The following AFM variants were observed in gnomAD, a reference collection of about 807,000 sequenced individuals.
AFM encodes alpha-Alb.
Under a neutral mutation model 68.7 loss-of-function variants are expected in AFM, and 82 were observed. That is an observed-to-expected ratio of 1.19 (90% CI 1.00 to 1.43). AFM has a LOEUF of 1.43. AFM is among the 40% of genes most tolerant of loss of function. AFM has a pLI of 0.00. For missense variants in AFM, 772 were observed against 701.8 expected (o/e 1.10, Z -1.13); for synonymous variants, 250 against 234.2 (o/e 1.07, Z -0.61).
At chr4:73,486,877 CT>C in intron 4 of AFM, 89 bp from the exon 5 acceptor site, 1 of 1,135,168 alleles carries the variant, frequency 8.8e-7, no homozygotes, top group African/African-American at 1.9e-5. Context: ...CTTACCCTCC[CT>C]TCCCTTCCCT....
Position 73,481,760 on chromosome 4 carries a change from T to C in AFM, c.-16T>C, listed in dbSNP as rs187320979. On this transcript the variant is annotated 5_prime_UTR_variant, in exon 1 of 15. An upstream start codon of the reference 5' UTR is lost. Transcript: ENST00000226355. ...CAACAACATTACTTTCTTTTGTAAATGTGGTTTCTACAAAGATGAAACTAC... is the reference window on the plus strand; with the variant it reads ...CAACAACATTACTTTCTTTTGTAAACGTGGTTTCTACAAAGATGAAACTAC... 3.6e-4 allele frequency: 527 copies of C among 1,447,630 alleles called. No individual in the cohort carries two copies. The African/African-American group carries it at 6.6e-3, about 18-fold the overall frequency. The allele number at this position is 1,447,630 out of a possible 1,614,324, so 89.7% of individuals were successfully genotyped here.
intron 9 of AFM, among the ~76,000 whole-genome samples, chr4:73,496,189 T>C (rs1249788200): frequency 6.6e-6 from 1 of 152,196 alleles, no homozygotes; most frequent in African/African-American, 2.4e-5. Context: ...CTGTGTTCCC[T>C]CTAGGGAAGC....
intron 9 of AFM, 66 bp from the exon 10 acceptor site, chr4:73,497,586 T>C: frequency 9.8e-7 from 1 of 1,015,512 alleles, no homozygotes; most frequent in South Asian, 1.6e-5. Context: ...ATTCTACACA[T>C]TGATGTAAAG....
intron 1 of AFM, 116 bp from the exon 2 acceptor site, chr4:73,483,825 C>G: frequency 1.3e-6 from 1 of 790,134 alleles, no homozygotes; most frequent in Non-Finnish European, 1.9e-6. Flanking sequence ...AAAATTATCT[C>G]CTGTCATCAG....
chr4:73,490,372 G>A (rs1215024789), intron 7 of AFM, among the ~76,000 whole-genome samples: 2 of 151,912 alleles, frequency 1.3e-5, no homozygotes, highest in Non-Finnish European at 2.9e-5. Context: ...TCTCCTTTGC[G>A]ATTTATTTTT....
Position 73,484,268 on chromosome 4 carries a change from G to A in AFM, c.148G>A (p.Ala50Thr). The A allele has an allele frequency of 6.2e-7, 1 of 1,609,418 alleles. No individual in the cohort carries two copies. Among genetic ancestry groups the A allele is most frequent in the Non-Finnish European group, 8.5e-7 (1 of 1,178,732 alleles). The stretch of plus-strand genomic sequence containing the variant: ...TGTGAACTGTTGCAGCACCATCATT[G>A]CATTTGCTCAGTATGTTCAGGAAGC... Reference protein sequence around the residue: ...EDNIEYITIIAFAQYVQEATF... With the variant: ...EDNIEYITIITFAQYVQEATF... The change falls in exon 3 of 15, where the codon GCA (alanine) becomes ACA (threonine). Residue 50 changes from alanine (A) to threonine (T), a missense_variant. Transcript: ENST00000226355.
At chr4:73,484,499 T>TTTCTTTCA (rs1481753946) in intron 3 of AFM, 109 bp downstream of exon 3, 7 of 658,516 alleles carry the variant, frequency 1.1e-5, no homozygotes, top group African/African-American at 2.4e-5. Context: ...TCTTTCTTTC[T>TTTCTTTCA]TTCTTTCATT....
intron 10 of AFM, among the ~76,000 whole-genome samples, chr4:73,498,439 C>T (rs953546736): frequency 1.3e-5 from 2 of 152,112 alleles, no homozygotes; most frequent in African/African-American, 4.8e-5. Context: ...ACGTGAGCCA[C>T]CATCCCTGGC....
rs139224995 is a variant in AFM at position 73,488,689 on chromosome 4, T to C, written c.773T>C (p.Leu258Pro). The part of the protein sequence containing the change: ...PKIEFKELIS[L>P]VEDVSSNYDG... Reference sequence around the variant, plus strand: ...ATTGAATTTAAGGAGCTTATTTCTCTTGTAGAAGATGTTTCTTCCAACTAT... The same window carrying C: ...ATTGAATTTAAGGAGCTTATTTCTCCTGTAGAAGATGTTTCTTCCAACTAT... The change falls in exon 7 of 15, where the codon CTT becomes CCT. Residue 258 changes from leucine (L) to proline (P), a missense_variant. Physicochemically the swap from Leu to Pro is moderately conservative, Grantham distance 98 (BLOSUM62 -3). Transcript: ENST00000226355. 11 of 1,613,232 alleles carry C rather than the reference T, an allele frequency of 6.8e-6. 1 individual carries two copies. The highest frequency in any genetic ancestry group is 2.2e-5 in the South Asian group (2 of 90,972).
chr4:73,494,145 C>T (rs1721182907), intron 8 of AFM, among the ~76,000 whole-genome samples: 1 of 151,572 alleles, frequency 6.6e-6, no homozygotes, highest in Admixed American at 6.6e-5. Flanking sequence ...TAAGAGGAGC[C>T]CTGATTCTCT....
intron 7 of AFM, among the ~76,000 whole-genome samples, chr4:73,491,580 A>G (rs1242699272): frequency 6.6e-6 from 1 of 152,210 alleles, no homozygotes; most frequent in African/African-American, 2.4e-5. Flanking sequence ...AGATGTAAAT[A>G]TATCAGTGTA....
At chr4:73,501,250 T>C (rs1488503516) in intron 12 of AFM, among the ~76,000 whole-genome samples, 1 of 152,100 alleles carries the variant, frequency 6.6e-6, no homozygotes, top group Admixed American at 6.6e-5. Context: ...TTTGACATCA[T>C]TTTTAATTGA....
At chr4:73,487,406 A>G (rs765644901) in intron 5 of AFM, among the ~76,000 whole-genome samples, 38 of 152,104 alleles carry the variant, frequency 2.5e-4, no homozygotes, top group Non-Finnish European at 5.0e-4. Flanking sequence ...ATCTTTGACA[A>G]TTTGTAGTCT....
At chr4:73,499,493 G>T (rs1721359156) in intron 11 of AFM, among the ~76,000 whole-genome samples, 1 of 152,096 alleles carries the variant, frequency 6.6e-6, no homozygotes, top group Non-Finnish European at 1.5e-5. Context: ...TATTAGAAGG[G>T]ATTTGTTAGG....
chr4:73,501,646 C>A, intron 12 of AFM, 141 bp from the exon 13 acceptor site: 1 of 766,616 alleles, frequency 1.3e-6, no homozygotes, highest in Non-Finnish European at 2.0e-6. Flanking sequence ...TTTCAGAAGA[C>A]CCATTCAAAG....
chr4:73,486,854 T>G, intron 4 of AFM, 113 bp from the exon 5 acceptor site: 2 of 1,078,648 alleles, frequency 1.9e-6, no homozygotes, highest in South Asian at 3.3e-5. Flanking sequence ...CTATTTTTTC[T>G]TTTCCTTCCC....
At chr4:73,494,143 GC>G (rs1721182828) in intron 8 of AFM, among the ~76,000 whole-genome samples, 1 of 151,930 alleles carries the variant, frequency 6.6e-6, no homozygotes, top group Non-Finnish European at 1.5e-5. Context: ...ATTAAGAGGA[GC>G]CCTGATTCTC....
chr4:73,499,927 T>C (rs1398942358), intron 11 of AFM, 77 bp from the exon 12 acceptor site: 4 of 1,179,620 alleles, frequency 3.4e-6, no homozygotes, highest in African/African-American at 1.5e-5. Flanking sequence ...AAGATCTAAG[T>C]ATTCATCTAA....
At chr4:73,486,898 T>TTCCCA in intron 4 of AFM, 69 bp from the exon 5 acceptor site, 1 of 1,482,542 alleles carries the variant, frequency 6.7e-7, no homozygotes, top group Non-Finnish European at 9.2e-7. Flanking sequence ...TTCCCTTCCC[T>TTCCCA]TGTCTACATT....
Sources: allele counts gnomAD v4.1 joint callset (sites outside exome capture counted in the v4.1 genomes callset), GRCh38; gene constraint gnomAD v4.1.1; transcripts MANE v1.5; gene names NCBI Gene and HGNC (gene_info 2026-07-23, HGNC 2026-07-21).